Variants in NDUFA10 observed in about 807,000 individuals in gnomAD.
NDUFA10 encodes the protein NADH:ubiquinone oxidoreductase subunit A10, also known as NADH dehydrogenase [ubiquinone] 1 alpha subcomplex subunit 10, mitochondrial.
NDUFA10 carries 40 observed loss-of-function variants against 47.8 expected under a neutral mutation model. That is an observed-to-expected ratio of 0.84 (90% CI 0.65 to 1.09). NDUFA10 has a LOEUF of 1.09. NDUFA10 is among the 50% of genes least tolerant of loss of function. NDUFA10 has a pLI of 0.00. For synonymous variants in NDUFA10, 183 were observed against 172.2 expected (o/e 1.06, Z -0.49); for missense variants, 413 against 451.1 (o/e 0.92, Z 0.76).
intron 3 of NDUFA10, chr2:240,020,946 C>A: frequency 1.7e-6 from 1 of 578,980 alleles, no homozygotes; most frequent in South Asian, 2.0e-5. Flanking sequence ...AGTATAGAAG[C>A]TTAAAGTAGT....
chr2:240,014,580 C>T (rs1311080528), intron 5 of NDUFA10, 159 bp downstream of exon 5: 2 of 1,195,756 alleles, frequency 1.7e-6, no homozygotes, highest in African/African-American at 1.5e-5. Flanking sequence ...GTCTCCCCTC[C>T]ACCCCTGCAG....
At chr2:239,947,095 G>T (rs1416512405) in intron 4 of NDUFA10, among the ~76,000 whole-genome samples, 3 of 152,336 alleles carry the variant, frequency 2.0e-5, no homozygotes, top group South Asian at 4.1e-4. Context: ...GGGATCCTGG[G>T]TAAGGAGCTG....
intron 4 of NDUFA10, among the ~76,000 whole-genome samples, chr2:239,911,509 G>A (rs1574772216): frequency 6.6e-6 from 1 of 152,064 alleles, no homozygotes; most frequent in Non-Finnish European, 1.5e-5. Context: ...AACATACCCG[G>A]AAAAGGGCCA....
At chr2:239,994,842 A>G (rs1214124223) in intron 8 of NDUFA10, among the ~76,000 whole-genome samples, 1 of 152,242 alleles carries the variant, frequency 6.6e-6, no homozygotes, top group East Asian at 1.9e-4. Context: ...TAAAAAACAA[A>G]GAGGGAACTT....
At chr2:240,000,276 C>T (rs1015730061) in intron 8 of NDUFA10, among the ~76,000 whole-genome samples, 9 of 151,908 alleles carry the variant, frequency 5.9e-5, no homozygotes, top group African/African-American at 9.7e-5. Flanking sequence ...GACAGCTCCA[C>T]GCGTGTTACT....
At chr2:239,956,237 C>G (rs978313907), downstream of NDUFA10, among the ~76,000 whole-genome samples, 1 of 152,182 alleles carries the variant, frequency 6.6e-6, no homozygotes, top group African/African-American at 2.4e-5. Flanking sequence ...GTCATCCCCA[C>G]CATACATGCA....
At chr2:239,892,987 C>T (rs1574756936) in intron 5 of NDUFA10, among the ~76,000 whole-genome samples, 1 of 152,232 alleles carries the variant, frequency 6.6e-6, no homozygotes, top group Admixed American at 6.5e-5. Context: ...GGCAGAGAGC[C>T]TGGCCCTGAA....
rs535714073 is a variant in NDUFA10, at chr2:239,959,188, G to C, written c.*1930C>G. 3.2e-4 allele frequency: 319 copies of C among 982,312 alleles called. 6 individuals are homozygous for C. The South Asian group carries it at 0.013, about 41-fold the overall frequency. The allele number at this position is 982,312 out of a possible 1,614,324, so 60.8% of individuals were successfully genotyped here. A position where few individuals can be genotyped will look rare whatever the true frequency, so the allele number is the denominator to read the frequency against. On this transcript the variant is annotated 3_prime_UTR_variant, in exon 10 of 10. Transcript: ENST00000252711. ...CCATCAAGGGAATGCAACCACACAG[G>C]GTCAGACGCAAACACAGGGGATGAT...
intron 8 of NDUFA10, among the ~76,000 whole-genome samples, chr2:239,992,927 T>C (rs1036972980): frequency 1.3e-5 from 2 of 152,202 alleles, no homozygotes; most frequent in African/African-American, 2.4e-5. Context: ...ACAATAATTA[T>C]GTTAGAAAAT....
chr2:239,990,098 G>A lies in NDUFA10; in HGVS notation c.975C>T (p.Asp325=), dbSNP rs1164319764. The change falls in exon 9 of 10, where the codon GAC becomes GAT. Residue 325 remains aspartate, a synonymous_variant. Coordinates refer to ENST00000252711, the MANE Select transcript of NDUFA10 (RefSeq NM_004544.4). ...CCTCTCTGAACTGATGTAAGACACG[G>A]TCAGTCTGATGAGCTCCAATGGTGA... ...PEVTIGAHQT[D]RVLHQFRELP... is the part of the protein sequence containing the mutation. 6.2e-7 allele frequency: 1 copy of A among 1,612,574 alleles called. No homozygotes were observed. The highest frequency in any genetic ancestry group is 1.7e-5 in the Admixed American group (1 of 60,010).
chr2:239,892,578 GA>G (rs1377485542), exon 6 of NDUFA10: 1 of 152,202 alleles, frequency 6.6e-6, no homozygotes, highest in African/African-American at 2.4e-5. Context: ...GGGATTCTGG[GA>G]CAGCCTTACG....
chr2:240,022,155 G>T lies in NDUFA10; in HGVS notation c.244+17C>A. On this transcript the variant is annotated intron_variant, in intron 2 of 9. Coordinates refer to ENST00000252711, the MANE Select transcript of NDUFA10 (RefSeq NM_004544.4). ...ATCTGAGAAAAAGGTATCATTCTGT[G>T]TAACATAAAATCATACCTAGTTTCT... 6.3e-7 allele frequency: 1 copy of T among 1,598,586 alleles called. No homozygotes were observed. Among genetic ancestry groups the T allele is most frequent in the East Asian group, 2.2e-5 (1 of 44,770 alleles).
In NDUFA10 at chr2:240,025,273, G is replaced by T. The variant is rs1258770997; in HGVS notation, c.29C>A (p.Ala10Glu). MALRLLKLA[A>E]TSASARVVAA... ...CACGACCCGGGCGGACGCGGACGTC[G>T]CTGCCAGCTTCAGGAGCCGCAAGGC... The change falls in exon 1 of 10, where the codon GCG (alanine) becomes GAG (glutamate). Residue 10 changes from alanine (A) to glutamate (E), a missense_variant. By Grantham distance (107) the Ala-to-Glu change is moderately radical. Coordinates refer to ENST00000252711, the MANE Select transcript of NDUFA10 (RefSeq NM_004544.4). 6.7e-7 allele frequency: 1 copy of T among 1,503,544 alleles called. No individual in the cohort carries two copies. The allele number at this position is 1,503,544 out of a possible 1,614,324, so 93.1% of individuals were successfully genotyped here. A position where few individuals can be genotyped will look rare whatever the true frequency, so the allele number is the denominator to read the frequency against.
rs558048643 is a variant in NDUFA10, at chr2:240,016,830, C to A, written c.547+1723G>T. Among the ~76,000 whole-genome samples, 103 of 152,288 alleles carry A rather than the reference C, an allele frequency of 6.8e-4. 3 individuals carry two copies. The highest frequency in any genetic ancestry group is 2.4e-3 in the African/African-American group (98 of 41,552). On this transcript the variant is annotated intron_variant, in intron 4 of 9. Transcript: ENST00000252711. This position sits in a 1 kb window ranked among gnomAD's most constrained non-coding sequence, Gnocchi z 4.4. ...TCAGCAGACACTCAGCAGATGCCGA[C>A]AGGTATCTCCTGCCACCTTGCCATG...
chr2:240,005,119 C>T, intron 8 of NDUFA10, 91 bp downstream of exon 8: 1 of 1,195,508 alleles, frequency 8.4e-7, no homozygotes, highest in Non-Finnish European at 1.2e-6. Flanking sequence ...TAACACCTAA[C>T]TTGAAACATA....
chr2:239,959,656 A>T lies in NDUFA10; in HGVS notation c.*1462T>A. On this transcript the variant is annotated 3_prime_UTR_variant, in exon 10 of 10. Coordinates refer to ENST00000252711, the MANE Select transcript of NDUFA10 (RefSeq NM_004544.4). ...AGGGAGGAAGGGAAGGGAGGAAAAC[A>T]AGGACAGACGGAAGGAAGGAAGGAA... 2 of 967,998 alleles carry T rather than the reference A, an allele frequency of 2.1e-6. No individual in the cohort carries two copies. The highest frequency in any genetic ancestry group is 2.4e-6 in the Non-Finnish European group (2 of 816,352). 60.0% of individuals were successfully genotyped at this position (967,998 alleles called of 1,614,324 possible).
chr2:240,021,066 T>C (rs1697598635), intron 3 of NDUFA10, 131 bp downstream of exon 3: 18 of 750,880 alleles, frequency 2.4e-5, no homozygotes, highest in South Asian at 2.1e-4. Context: ...TTCATGATCT[T>C]GTTGGAAAGA....
At chr2:239,947,156 G>A (rs1210780085) in intron 4 of NDUFA10, among the ~76,000 whole-genome samples, 2 of 152,216 alleles carry the variant, frequency 1.3e-5, no homozygotes, top group East Asian at 1.9e-4. Context: ...AATCCCTGGA[G>A]GCCTAGGCCA....
At chr2:239,918,476 C>T (rs975988507) in intron 4 of NDUFA10, among the ~76,000 whole-genome samples, 2 of 152,222 alleles carry the variant, frequency 1.3e-5, no homozygotes, top group Non-Finnish European at 2.9e-5. Context: ...CTGTGCTAAC[C>T]CAATCCTGTC....
Sources: gnomAD v4.1 joint callset for allele counts (sites outside exome capture counted in the v4.1 genomes callset) on GRCh38, gnomAD v4.1.1 for gene constraint, Gnocchi (gnomAD v3.1) non-coding constraint, MANE v1.5 for transcripts, NCBI Gene and HGNC (gene_info 2026-07-23, HGNC 2026-07-21) for gene names.